PTPN14: variants seen among roughly 807,000 people sequenced by gnomAD.
PTPN14 encodes protein tyrosine phosphatase non-receptor type 14.
A neutral mutation model predicts 126.8 loss-of-function variants in PTPN14; 53 were observed. That is an observed-to-expected ratio of 0.42 (90% confidence interval 0.34 to 0.53). PTPN14 has a LOEUF of 0.53. Among genes scored for constraint, PTPN14 ranks in the 20% least tolerant of loss-of-function variants. The probability of loss-of-function intolerance (pLI) is 0.08; values close to 1 mark genes in which losing one functional copy is unlikely to be tolerated. For missense variants in PTPN14, 1,257 were observed against 1,552.9 expected (o/e 0.81, Z 3.20); for synonymous variants, 630 against 599.3 (o/e 1.05, Z -0.75).
chr1:214,518,905 T>C (rs902524544), intron 1 of PTPN14, among the ~76,000 whole-genome samples: 3 of 152,228 alleles, frequency 2.0e-5, no homozygotes, highest in African/African-American at 7.2e-5. Flanking sequence ...TGTTCTGTTT[T>C]ATATTTTAGG....
At chr1:214,543,307 T>C (rs1440319273) in intron 1 of PTPN14, among the ~76,000 whole-genome samples, 1 of 152,170 alleles carries the variant, frequency 6.6e-6, no homozygotes, top group African/African-American at 2.4e-5. Flanking sequence ...TCTACAACAT[T>C]TCCTAGACTT....
rs547944271 is a variant in PTPN14 at position 214,435,253 on chromosome 1, T to C, written c.344+16552A>G. ...GTAGTGTGTCTGCTGTGTGTGTGTG[T>C]GCGTGTGTGTGTGTGTGTGTTGAGA... On this transcript the variant is annotated intron_variant, in intron 3 of 18. Coordinates refer to ENST00000366956, the MANE Select transcript of PTPN14 (RefSeq NM_005401.5). Among the ~76,000 whole-genome samples the C allele has an allele frequency of 7.9e-5, 12 of 152,062 alleles. No homozygotes were observed. The East Asian group carries it at 1.4e-3, about 17-fold the overall frequency.
rs188807630 is a variant in PTPN14, at chr1:214,479,714, G to C, written c.-154-14757C>G. Among the ~76,000 whole-genome samples, 13 of 151,964 alleles carry C rather than the reference G, an allele frequency of 8.6e-5. 1 individual carries two copies. The East Asian group carries it at 2.3e-3, about 27-fold the overall frequency. On this transcript the variant is annotated intron_variant, in intron 1 of 18. Coordinates refer to ENST00000366956, the MANE Select transcript of PTPN14 (RefSeq NM_005401.5). ...CTTATGTCCTGAAATTTATTCTTTT[G>C]AATTATTAGGGTTAGAAAGCTCAGT...
rs1367932064 is a variant in PTPN14 at position 214,551,284 on chromosome 1, G to T, written c.-256C>A. 2.0e-5 allele frequency: 3 copies of T among 152,448 alleles called. No homozygotes were observed. The highest frequency in any genetic ancestry group is 6.5e-5 in the Admixed American group (1 of 15,296). The allele number at this position is 152,448 out of a possible 1,614,324, so 9.4% of individuals were successfully genotyped here. Reference sequence around the variant, plus strand: ...CACGGAATTGATTCCAGTGACTGGCGGAGGAGGGGCGAAGGGAAGGAGCCG... The same window carrying T: ...CACGGAATTGATTCCAGTGACTGGCTGAGGAGGGGCGAAGGGAAGGAGCCG... On this transcript the variant is annotated 5_prime_UTR_variant, in exon 1 of 19. Coordinates refer to ENST00000366956, the MANE Select transcript of PTPN14 (RefSeq NM_005401.5).
chr1:214,403,719 A>G (rs886639126), intron 5 of PTPN14, among the ~76,000 whole-genome samples: 1 of 152,246 alleles, frequency 6.6e-6, no homozygotes, highest in African/African-American at 2.4e-5. Context: ...GTGAGATGGA[A>G]TCAAGAGGAA....
rs1659309010 is a variant in PTPN14, at chr1:214,411,534, T to A, written c.510+150A>T. On this transcript the variant is annotated intron_variant, in intron 5 of 18. Transcript: ENST00000366956. ...GAAGAAGGCATTTTTACCTTCTCAG[T>A]GTGTTTTATAAAACTTGCCCCTACT... is the stretch of plus-strand genomic sequence containing the variant. 9 of 511,228 alleles carry A rather than the reference T, an allele frequency of 1.8e-5. No homozygotes were observed. In the South Asian group the frequency reaches 3.1e-4, roughly 18 times the overall value. The allele number at this position is 511,228 out of a possible 1,614,324, so 31.7% of individuals were successfully genotyped here. A position where few individuals can be genotyped will look rare whatever the true frequency, so the allele number is the denominator to read the frequency against.
At chr1:214,408,932 G>A (rs1659232762) in intron 5 of PTPN14, among the ~76,000 whole-genome samples, 2 of 152,132 alleles carry the variant, frequency 1.3e-5, no homozygotes, top group South Asian at 4.2e-4. Context: ...AGCAAAGCAG[G>A]GAAATGTCTT....
At chr1:214,425,516 C>T (rs933030709) in intron 3 of PTPN14, among the ~76,000 whole-genome samples, 2 of 152,102 alleles carry the variant, frequency 1.3e-5, no homozygotes, top group Admixed American at 6.5e-5. Flanking sequence ...ATAAGACTGC[C>T]TTGTTCATGT....
chr1:214,423,361 G>T (rs1315214016), intron 3 of PTPN14, among the ~76,000 whole-genome samples: 1 of 152,058 alleles, frequency 6.6e-6, no homozygotes, highest in Non-Finnish European at 1.5e-5. Flanking sequence ...ATAAGAAAAA[G>T]AAATTCCCAG....
intron 1 of PTPN14, among the ~76,000 whole-genome samples, chr1:214,489,771 T>C (rs77919668): frequency 1.3e-5 from 2 of 152,122 alleles, no homozygotes; most frequent in Non-Finnish European, 2.9e-5. Context: ...AACAAATGCA[T>C]GAGAAAGAGA....
At chr1:214,464,143 A>G (rs1167227125) in intron 2 of PTPN14, among the ~76,000 whole-genome samples, 2 of 148,086 alleles carry the variant, frequency 1.4e-5, no homozygotes, top group Non-Finnish European at 3.0e-5. Flanking sequence ...CTCACTGGTC[A>G]TGCTCACTCT....
intron 1 of PTPN14, among the ~76,000 whole-genome samples, chr1:214,489,252 G>C (rs994510707): frequency 6.6e-6 from 1 of 152,104 alleles, no homozygotes; most frequent in Non-Finnish European, 1.5e-5. Flanking sequence ...TCATGTTATG[G>C]GTGACGAAAC....
intron 3 of PTPN14, among the ~76,000 whole-genome samples, chr1:214,438,269 C>A (rs1012719707): frequency 6.6e-6 from 1 of 152,130 alleles, no homozygotes; most frequent in African/African-American, 2.4e-5. Context: ...GAGGCAAGGC[C>A]CGCTTTATCC....
chr1:214,480,603 A>C (rs1167993116), intron 1 of PTPN14, among the ~76,000 whole-genome samples: 3 of 152,216 alleles, frequency 2.0e-5, no homozygotes, highest in Admixed American at 1.3e-4. Context: ...TCAACCATCA[A>C]AAATATCAAC....
intron 1 of PTPN14, among the ~76,000 whole-genome samples, chr1:214,520,334 C>G (rs887785050): frequency 2.0e-5 from 3 of 151,842 alleles, no homozygotes; most frequent in Non-Finnish European, 2.9e-5. Flanking sequence ...AATGACGAAA[C>G]TGAGAAGGTT....
At chr1:214,465,006 C>A in intron 1 of PTPN14, 49 bp from the exon 2 acceptor site, 2 of 523,728 alleles carry the variant, frequency 3.8e-6, no homozygotes, top group Non-Finnish European at 3.4e-6. Context: ...AGGGACCTAT[C>A]AATGGTACCA....
At chr1:214,497,508 C>T (rs1654558431) in intron 1 of PTPN14, among the ~76,000 whole-genome samples, 1 of 152,112 alleles carries the variant, frequency 6.6e-6, no homozygotes, top group Admixed American at 6.6e-5. Flanking sequence ...CCAGTCATTC[C>T]ACTTTTAATC....
At chr1:214,402,470 G>A (rs1462053498) in intron 6 of PTPN14, among the ~76,000 whole-genome samples, 2 of 131,306 alleles carry the variant, frequency 1.5e-5, no homozygotes, top group East Asian at 2.1e-4. Flanking sequence ...GCCACGATGA[G>A]AGAACTTAGG....
At chr1:214,538,728 T>G (rs1229898837) in intron 1 of PTPN14, among the ~76,000 whole-genome samples, 1 of 152,192 alleles carries the variant, frequency 6.6e-6, no homozygotes, top group Non-Finnish European at 1.5e-5. Context: ...TTCTTGGCAG[T>G]ATTCTAACTA....
Sources: allele counts gnomAD v4.1 joint callset (sites outside exome capture counted in the v4.1 genomes callset), GRCh38; gene constraint gnomAD v4.1.1; transcripts MANE v1.5; gene names NCBI Gene and HGNC (gene_info 2026-07-23, HGNC 2026-07-21).